The following SYT7 variants were observed in gnomAD, a reference collection of about 807,000 sequenced individuals.
The protein encoded by SYT7 is synaptotagmin-7.
Under a neutral mutation model 75.1 loss-of-function variants are expected in SYT7, and 29 were observed. The ratio of observed to expected loss-of-function variants is 0.39; its 90% confidence interval spans 0.29 to 0.53. The LOEUF is 0.53. Among genes scored for constraint, SYT7 ranks in the 20% least tolerant of loss-of-function variants. The probability of loss-of-function intolerance (pLI) is 0.77; values close to 1 mark genes in which losing one functional copy is unlikely to be tolerated. For synonymous variants in SYT7, 376 were observed against 401.7 expected, an observed-to-expected ratio of 0.94 and a Z score of 0.76; for missense variants, 693 against 953.2, an observed-to-expected ratio of 0.73 and a Z score of 3.59.
chr11:61,566,272 C>CCTCAT, intron 1 of SYT7, among the ~76,000 whole-genome samples: 1 of 151,498 alleles, frequency 6.6e-6, no homozygotes, highest in East Asian at 1.9e-4. Context: ...TCAGTGACCC[C>CCTCAT]CTCACCTCAC....
chr11:61,567,487 C>T (rs2063803232), intron 1 of SYT7, among the ~76,000 whole-genome samples: 1 of 152,204 alleles, frequency 6.6e-6, no homozygotes, highest in South Asian at 2.1e-4. Context: ...ATCCGAGAGA[C>T]TGTGCATAGT....
Position 61,580,801 on chromosome 11 carries a change from G to C in SYT7, c.20C>G (p.Ala7Gly). Reference protein sequence around the residue: MYRDPEAASPGAPSRDV... With the variant: MYRDPEGASPGAPSRDV... ...GGGGCCGCGCTTACCTGGGCTGGCCGCCTCCGGGTCCCGGTACATGGTCCC... is the reference window on the plus strand; with the variant it reads ...GGGGCCGCGCTTACCTGGGCTGGCCCCCTCCGGGTCCCGGTACATGGTCCC... The change falls in exon 1 of 13, where the codon GCG (alanine) becomes GGG (glycine). Residue 7 changes from alanine (A) to glycine (G), a missense_variant. By Grantham distance (60) the Ala-to-Gly change is moderately conservative. Around this residue, in one of 2 missense-constraint regions of SYT7, gnomAD observed 487 missense variants for 593.2 expected, o/e 0.82. Coordinates refer to ENST00000539008, the MANE Select transcript of SYT7 (RefSeq NM_001365809.2). This position sits in a 1 kb window ranked among gnomAD's most constrained non-coding sequence, Gnocchi z 6.1. The C allele has an allele frequency of 7.8e-7, 1 of 1,288,916 alleles. No homozygotes were observed. Among genetic ancestry groups the C allele is most frequent in the Non-Finnish European group, 9.8e-7 (1 of 1,015,334 alleles). 79.8% of individuals were successfully genotyped at this position (1,288,916 alleles called of 1,614,324 possible). A position where few individuals can be genotyped will look rare whatever the true frequency, so the allele number is the denominator to read the frequency against.
In SYT7 at chr11:61,515,564, C is replaced by T. The variant is rs1000585952; in HGVS notation, c.*3063G>A. The stretch of plus-strand genomic sequence containing the variant: ...TTATTTTTTATAAAACACTTGCACT[C>T]AAGAACATACAAACAGTGGCCACCA... On this transcript the variant is annotated 3_prime_UTR_variant, in exon 13 of 13. Transcript: ENST00000539008. The T allele has an allele frequency of 1.9e-4, 28 of 150,008 alleles. No homozygotes were observed. Among genetic ancestry groups the T allele is most frequent in the African/African-American group, 6.2e-4 (25 of 40,646 alleles). The allele number at this position is 150,008 out of a possible 1,614,324, so 9.3% of individuals were successfully genotyped here. A position where few individuals can be genotyped will look rare whatever the true frequency, so the allele number is the denominator to read the frequency against.
At chr11:61,581,357 A>T (rs1403950670), upstream of SYT7, among the ~76,000 whole-genome samples, 2 of 151,310 alleles carry the variant, frequency 1.3e-5, no homozygotes, top group Non-Finnish European at 3.0e-5. Context: ...CGGCCAGGGG[A>T]TCCGGCTCCG....
rs549565249 is a variant in SYT7, at chr11:61,520,089, CGTG to C, written c.1957-1361_1957-1359del. On this transcript the variant is annotated intron_variant, in intron 12 of 12. Transcript: ENST00000539008. ...CAAACTGGTCTCACACTCCTGACCT[CGTG>C]ATCTGGGCAAACTGGTCTCACACTC... 5.2e-3 allele frequency among the ~76,000 whole-genome samples: 681 copies of C among 131,160 alleles called. 18 individuals carry two copies. Among genetic ancestry groups the C allele is most frequent in the African/African-American group, 0.028 (653 of 23,036 alleles). 86.0% of individuals were successfully genotyped at this position (131,160 alleles called of 152,430 possible).
chr11:61,571,868 G>A (rs1018937403), intron 1 of SYT7, among the ~76,000 whole-genome samples: 36 of 152,276 alleles, frequency 2.4e-4, no homozygotes, highest in Middle Eastern at 3.4e-3. Context: ...CCAGGTATGG[G>A]GTCAGATGGG....
chr11:61,524,801 C>A lies in SYT7; in HGVS notation c.1472-269G>T, dbSNP rs969968676. 4 of 350,810 alleles carry A rather than the reference C, an allele frequency of 1.1e-5. No individual in the cohort carries two copies. The East Asian group carries it at 1.7e-4, about 15-fold the overall frequency. 21.7% of individuals were successfully genotyped at this position (350,810 alleles called of 1,614,324 possible). A position where few individuals can be genotyped will look rare whatever the true frequency, so the allele number is the denominator to read the frequency against. On this transcript the variant is annotated intron_variant, in intron 9 of 12. Coordinates refer to ENST00000539008, the MANE Select transcript of SYT7 (RefSeq NM_001365809.2). The surrounding 1 kb of genome is among the most constrained non-coding windows in gnomAD (Gnocchi z 4.1). ...AGGCTCAGACGGCTTAAAGTACTTG[C>A]CCAGACTCCCAGCTAGTAAAGAGTA...
In SYT7 at chr11:61,551,452, G is replaced by A. The variant is rs1219546237; in HGVS notation, c.147C>T (p.Tyr49=). The A allele has an allele frequency of 6.2e-7, 1 of 1,613,856 alleles. No individual in the cohort carries two copies. Among genetic ancestry groups the A allele is most frequent in the South Asian group, 1.1e-5 (1 of 91,080 alleles). ...TGCCCACCGTCTCCAAGGAATTCTT[G>A]TAGCGTTTGCCCTGTGGAGATAGCA... ...HWCQRKLGKR[Y]KNSLETVGTP... is the part of the protein sequence containing the mutation. The change falls in exon 3 of 13, where the codon TAC becomes TAT. Residue 49 remains tyrosine, a synonymous_variant. Coordinates refer to ENST00000539008, the MANE Select transcript of SYT7 (RefSeq NM_001365809.2). The surrounding 1 kb of genome is among the most constrained non-coding windows in gnomAD (Gnocchi z 5.3).
chr11:61,540,419 T>A, intron 6 of SYT7: 1 of 775,396 alleles, frequency 1.3e-6, no homozygotes, highest in Non-Finnish European at 1.6e-6. Flanking sequence ...TTTAGAGGGT[T>A]GTTTTAAAGA....
At chr11:61,572,120 G>C (rs865950354) in intron 1 of SYT7, among the ~76,000 whole-genome samples, 5 of 152,314 alleles carry the variant, frequency 3.3e-5, no homozygotes, top group South Asian at 2.1e-4. Flanking sequence ...TGAGGTTGGG[G>C]GGGGGGCACA....
rs537175830 is a variant in SYT7 at position 61,518,775 on chromosome 11, G to T, written c.1957-44C>A. ...CGATGGCATCGGCACAGGCTCCAGG[G>T]CACTGGCCCTTTCCCCCACAGGGGT... is the stretch of plus-strand genomic sequence containing the variant. On this transcript the variant is annotated intron_variant, in intron 12 of 12. Coordinates refer to ENST00000539008, the MANE Select transcript of SYT7 (RefSeq NM_001365809.2). 2.2e-4 allele frequency: 308 copies of T among 1,393,314 alleles called. 4 individuals are homozygous for T. In the South Asian group the frequency reaches 3.5e-3, roughly 16 times the overall value. The allele number at this position is 1,393,314 out of a possible 1,614,324, so 86.3% of individuals were successfully genotyped here.
chr11:61,572,231 C>T (rs1163335067), intron 1 of SYT7, among the ~76,000 whole-genome samples: 1 of 152,146 alleles, frequency 6.6e-6, no homozygotes, highest in Non-Finnish European at 1.5e-5. Context: ...TGAGAGGATC[C>T]CTCCACCTTG....
At chr11:61,587,080 A>G in the SYT7 span, among the ~76,000 whole-genome samples, 6 of 151,878 alleles carry the variant, frequency 4.0e-5, no homozygotes, top group Non-Finnish European at 5.9e-5. Flanking sequence ...CTCTTTTGAT[A>G]TTGCAGAAAC....
intron 7 of SYT7, among the ~76,000 whole-genome samples, chr11:61,536,932 A>C (rs2062886162): frequency 6.6e-6 from 1 of 152,178 alleles, no homozygotes; most frequent in African/African-American, 2.4e-5. Flanking sequence ...GCCCCAGCCC[A>C]AAGGCCTGTT....
In SYT7 at chr11:61,516,691, C is replaced by A. The variant is rs978082552; in HGVS notation, c.*1936G>T. On this transcript the variant is annotated 3_prime_UTR_variant, in exon 13 of 13. Transcript: ENST00000539008. This position sits in a 1 kb window ranked among gnomAD's most constrained non-coding sequence, Gnocchi z 4.6. ...CCCCAGCCCGCCAAAGAGGAGGATG[C>A]AGTTGGGGCCGACCCCATTTTAAGC... 1.3e-5 allele frequency: 2 copies of A among 152,188 alleles called. No homozygotes were observed. Among genetic ancestry groups the A allele is most frequent in the African/African-American group, 4.8e-5 (2 of 41,454 alleles). The allele number at this position is 152,188 out of a possible 1,614,324, so 9.4% of individuals were successfully genotyped here. A position where few individuals can be genotyped will look rare whatever the true frequency, so the allele number is the denominator to read the frequency against.
upstream of SYT7, among the ~76,000 whole-genome samples, chr11:61,584,246 T>C (rs933824865): frequency 1.4e-4 from 21 of 151,568 alleles, no homozygotes; most frequent in African/African-American, 5.1e-4. Flanking sequence ...AATACAAAAA[T>C]TAGCCGGGCG....
intron 12 of SYT7, 58 bp from the exon 13 acceptor site, chr11:61,518,789 C>T (rs1409861951): frequency 3.8e-6 from 5 of 1,308,928 alleles, no homozygotes; most frequent in Non-Finnish European, 4.1e-6. Context: ...TGGCCCTTTC[C>T]CCCACAGGGG....
Position 61,551,299 on chromosome 11 carries a change from G to T in SYT7, c.215+85C>A. 7.8e-7 allele frequency: 1 copy of T among 1,275,684 alleles called. No individual in the cohort carries two copies. The highest frequency in any genetic ancestry group is 1.1e-6 in the Non-Finnish European group (1 of 883,576). The allele number at this position is 1,275,684 out of a possible 1,614,324, so 79.0% of individuals were successfully genotyped here. A position where few individuals can be genotyped will look rare whatever the true frequency, so the allele number is the denominator to read the frequency against. On this transcript the variant is annotated intron_variant, in intron 3 of 12. Transcript: ENST00000539008. The surrounding 1 kb of genome is among the most constrained non-coding windows in gnomAD (Gnocchi z 5.3). ...GGGGGAAGTGAAAGTGTGTGGTCAG[G>T]TCTGTGGGGCTGGGGGAGAGAAGGG...
At chr11:61,547,395 G>T in intron 3 of SYT7, 87 bp from the exon 4 acceptor site, 1 of 1,469,278 alleles carries the variant, frequency 6.8e-7, no homozygotes, top group South Asian at 1.3e-5. Context: ...AAGGGACCAG[G>T]ACCCCGGGGC....
Sources: allele counts gnomAD v4.1 joint callset (sites outside exome capture counted in the v4.1 genomes callset), GRCh38; gene constraint gnomAD v4.1.1; regional missense constraint gnomAD v4.1.1; non-coding constraint Gnocchi (gnomAD v3.1); transcripts MANE v1.5; gene names NCBI Gene and HGNC (gene_info 2026-07-23, HGNC 2026-07-21).